Variants in PTGR1 observed in about 807,000 individuals in gnomAD.
The protein encoded by PTGR1 is prostaglandin reductase 1.
PTGR1 carries 23 observed loss-of-function variants against 37.7 expected under a neutral mutation model. That is an observed-to-expected ratio of 0.61 (90% CI 0.44 to 0.86). PTGR1 has a LOEUF of 0.86. PTGR1 is among the 40% of genes least tolerant of loss of function. The pLI is 0.00. For missense variants in PTGR1, 351 were observed against 394.3 expected (o/e 0.89, Z 0.93); for synonymous variants, 134 against 140.0 (o/e 0.96, Z 0.30).
intron 8 of PTGR1, among the ~76,000 whole-genome samples, chr9:111,570,926 C>T (rs1224752655): frequency 1.3e-5 from 2 of 152,034 alleles, no homozygotes; most frequent in African/African-American, 2.4e-5. Flanking sequence ...GTGATAGAAG[C>T]AGAGATGAGA....
intron 4 of PTGR1, among the ~76,000 whole-genome samples, chr9:111,587,160 C>T (rs1340827257): frequency 1.3e-5 from 2 of 152,070 alleles, no homozygotes; most frequent in Non-Finnish European, 2.9e-5. Context: ...AAAGTCTTCC[C>T]TCATTGGTTC....
At chr9:111,559,261 C>T (rs1362626539), downstream of PTGR1, among the ~76,000 whole-genome samples, 2 of 152,122 alleles carry the variant, frequency 1.3e-5, no homozygotes, top group East Asian at 3.9e-4. Flanking sequence ...CACGTGCACA[C>T]CTTCCTTACT....
chr9:111,563,405 G>C (rs1469779579), intron 9 of PTGR1, 174 bp from the exon 10 acceptor site: 1 of 544,178 alleles, frequency 1.8e-6, no homozygotes, highest in Non-Finnish European at 3.1e-6. Flanking sequence ...CACTTACACA[G>C]TACATGTAAA....
intron 5 of PTGR1, 61 bp downstream of exon 5, chr9:111,585,937 C>A: frequency 6.3e-7 from 1 of 1,589,868 alleles, no homozygotes; most frequent in Non-Finnish European, 8.6e-7. Context: ...TCTGAACAAA[C>A]CATTTTGGAA....
At chr9:111,575,374 T>C (rs1233620441) in intron 7 of PTGR1, 1 of 152,352 alleles carries the variant, frequency 6.6e-6, no homozygotes, top group African/African-American at 2.4e-5. Flanking sequence ...AACTTATACA[T>C]TTTCCTTTAT....
chr9:111,585,236 A>G (rs1829395734), intron 5 of PTGR1, among the ~76,000 whole-genome samples: 1 of 152,220 alleles, frequency 6.6e-6, no homozygotes, highest in Admixed American at 6.5e-5. Flanking sequence ...TAAGAAATAT[A>G]CATAAGTGAA....
chr9:111,565,992 A>G (rs1828544494), intron 9 of PTGR1, among the ~76,000 whole-genome samples: 1 of 152,124 alleles, frequency 6.6e-6, no homozygotes, highest in Non-Finnish European at 1.5e-5. Context: ...CAGGAGAATC[A>G]CTTGAGGTCA....
At chr9:111,594,467 C>G (rs1409103470) in intron 2 of PTGR1, among the ~76,000 whole-genome samples, 200 bp from the exon 3 acceptor site, 1 of 151,880 alleles carries the variant, frequency 6.6e-6, no homozygotes, top group Non-Finnish European at 1.5e-5. Flanking sequence ...ATATAACAAG[C>G]CTGCATATGT....
intron 4 of PTGR1, among the ~76,000 whole-genome samples, chr9:111,587,372 G>A (rs1201892747): frequency 8.5e-5 from 13 of 152,146 alleles, no homozygotes; most frequent in Admixed American, 8.5e-4. Context: ...TAATCTGACA[G>A]CACAAAGACA....
chr9:111,571,168 T>C (rs1336087088), intron 8 of PTGR1, among the ~76,000 whole-genome samples: 1 of 149,742 alleles, frequency 6.7e-6, no homozygotes, highest in Non-Finnish European at 1.5e-5. Context: ...ATCCAGCATT[T>C]TGGGAGGCCG....
chr9:111,597,215 C>A, intron 2 of PTGR1, 102 bp downstream of exon 2: 1 of 870,418 alleles, frequency 1.1e-6, no homozygotes, highest in East Asian at 2.6e-5. Context: ...ACTAATAAAC[C>A]GTTGTTGCTT....
chr9:111,576,288 A>C (rs776799085), intron 7 of PTGR1: 29 of 1,466,450 alleles, frequency 2.0e-5, no homozygotes, highest in Non-Finnish European at 2.8e-5. Context: ...TCATATTTGC[A>C]TATTGTAAAC....
Position 111,570,156 on chromosome 9 carries a change from C to T in PTGR1, c.814G>A (p.Val272Ile), listed in dbSNP as rs777882674. ...CGGGCATCTCCTTGCCAGCGGTAGA[C>T]GACAAAAGCTTCCATGCGAAGCTCC... ...YQELRMEAFV[V>I]YRWQGDARQK... The change falls in exon 9 of 10, where the codon GTC becomes ATC. Residue 272 changes from valine (V) to isoleucine (I), a missense_variant. Physicochemically the swap from Val to Ile is conservative, Grantham distance 29. Transcript: ENST00000407693. The T allele has an allele frequency of 4.8e-5, 77 of 1,613,912 alleles. 1 individual carries two copies. Among genetic ancestry groups the T allele is most frequent in the African/African-American group, 8.0e-5 (6 of 74,862 alleles).
chr9:111,567,034 C>T (rs1046960631), intron 9 of PTGR1, among the ~76,000 whole-genome samples: 2 of 150,450 alleles, frequency 1.3e-5, no homozygotes, highest in Admixed American at 1.3e-4. Flanking sequence ...TGTGGTGAGC[C>T]ATGATCACGG....
At chr9:111,552,964 A>G (rs1828013940) in intron 9 of PTGR1, among the ~76,000 whole-genome samples, 1 of 152,160 alleles carries the variant, frequency 6.6e-6, no homozygotes, top group Non-Finnish European at 1.5e-5. Flanking sequence ...TCTCCATCTA[A>G]GGTTCTTTGT....
chr9:111,594,087 T>C (rs3739704), intron 3 of PTGR1, 135 bp downstream of exon 3: 555,410 of 924,134 alleles, frequency 0.6, 167,899 homozygotes, highest in South Asian at 0.63. Context: ...GCATGAATCT[T>C]ATCACTGATA....
downstream of PTGR1, among the ~76,000 whole-genome samples, chr9:111,561,160 AG>A (rs1465332581): frequency 1.7e-4 from 24 of 139,208 alleles, no homozygotes; most frequent in Middle Eastern, 3.5e-3. Context: ...AGAGAGAGAG[AG>A]AGAGAGAGAG....
downstream of PTGR1, among the ~76,000 whole-genome samples, chr9:111,560,423 G>T (rs1397710620): frequency 6.9e-6 from 1 of 145,264 alleles, no homozygotes; most frequent in African/African-American, 2.6e-5. Context: ...GCACTGAGCC[G>T]AGATCAGGCC....
chr9:111,594,071 G>C (rs776558112), intron 3 of PTGR1, 151 bp downstream of exon 3: 21 of 793,938 alleles, frequency 2.6e-5, no homozygotes, highest in Non-Finnish European at 3.7e-5. Context: ...TGCAAAAGAC[G>C]AGCGTGCATG....
Sources: allele counts gnomAD v4.1 joint callset (sites outside exome capture counted in the v4.1 genomes callset), GRCh38; gene constraint gnomAD v4.1.1; transcripts MANE v1.5; gene names NCBI Gene and HGNC (gene_info 2026-07-23, HGNC 2026-07-21).